CPM: variants seen among roughly 807,000 people sequenced by gnomAD.
CPM encodes carboxypeptidase M, also known as renal carboxypeptidase.
A neutral mutation model predicts 46.4 loss-of-function variants in CPM; 35 were observed. The ratio of observed to expected loss-of-function variants is 0.75; its 90% confidence interval spans 0.58 to 1.00. The LOEUF (loss-of-function observed/expected upper bound fraction) is 1.00, where lower values mean the gene tolerates loss of function less well. Among genes scored for constraint, CPM ranks in the 50% least tolerant of loss-of-function variants. CPM has a pLI of 0.00. For synonymous variants in CPM, 195 were observed against 195.3 expected (o/e 1.00, Z 0.01); for missense variants, 422 against 530.4 (o/e 0.80, Z 2.01).
intron 2 of CPM, among the ~76,000 whole-genome samples, chr12:68,927,605 T>C (rs1212560604): frequency 6.6e-6 from 1 of 152,132 alleles, no homozygotes; most frequent in Non-Finnish European, 1.5e-5. Flanking sequence ...TTTGTTGCCA[T>C]TGCTTTTGGT....
chr12:68,872,225 G>T (rs951086063), intron 3 of CPM, among the ~76,000 whole-genome samples: 3 of 143,818 alleles, frequency 2.1e-5, no homozygotes, highest in African/African-American at 8.3e-5. Context: ...AATTAGAGTG[G>T]AATAATGCTG....
chr12:68,950,023 G>A (rs866500711), intron 1 of CPM, among the ~76,000 whole-genome samples: 1 of 152,126 alleles, frequency 6.6e-6, no homozygotes, highest in South Asian at 2.1e-4. Flanking sequence ...CATCCTCTGA[G>A]GCCAGAGGAT....
chr12:68,926,632 T>C (rs141750971), intron 2 of CPM, among the ~76,000 whole-genome samples: 4,079 of 152,208 alleles, frequency 0.027, 111 homozygotes, highest in African/African-American at 0.061. Flanking sequence ...TACATATGTA[T>C]ACATGTGCCA....
intron 2 of CPM, among the ~76,000 whole-genome samples, chr12:68,892,895 T>A (rs1466030156): frequency 6.6e-6 from 1 of 151,794 alleles, no homozygotes; most frequent in African/African-American, 2.4e-5. Flanking sequence ...ACGTTCTCAC[T>A]CATAAGTGGG....
intron 2 of CPM, among the ~76,000 whole-genome samples, chr12:68,921,296 C>G (rs2453750): frequency 0.55 from 82,930 of 151,604 alleles, 22,996 homozygotes; most frequent in Non-Finnish European, 0.6. Flanking sequence ...CACCTGCCAC[C>G]ATGCCCGGCT....
chr12:68,940,273 C>T (rs1454595814), intron 1 of CPM, among the ~76,000 whole-genome samples: 1 of 151,972 alleles, frequency 6.6e-6, no homozygotes, highest in Non-Finnish European at 1.5e-5. Context: ...CGTGTCACAT[C>T]TGTTAAAATT....
At chr12:68,915,200 T>C (rs1887755624) in intron 2 of CPM, among the ~76,000 whole-genome samples, 1 of 152,214 alleles carries the variant, frequency 6.6e-6, no homozygotes, top group Non-Finnish European at 1.5e-5. Flanking sequence ...TGTATCACTG[T>C]TCTTTGAACA....
At chr12:68,923,213 G>T (rs1042558890) in intron 2 of CPM, among the ~76,000 whole-genome samples, 13 of 134,204 alleles carry the variant, frequency 9.7e-5, no homozygotes, top group African/African-American at 2.0e-4. Flanking sequence ...GTGTGTGTGT[G>T]TTTTGAGTAA....
chr12:68,850,730 A>G (rs893208851), downstream of CPM: 2 of 152,234 alleles, frequency 1.3e-5, no homozygotes, highest in Admixed American at 6.5e-5. Context: ...GTTTGGAAAT[A>G]TAGGTATGTT....
At chr12:68,955,285 C>A (rs1263814096) in intron 1 of CPM, among the ~76,000 whole-genome samples, 2 of 152,196 alleles carry the variant, frequency 1.3e-5, no homozygotes, top group Admixed American at 1.3e-4. Context: ...AATTTTAAAT[C>A]TTTACGAAGC....
chr12:68,854,987 G>T lies in CPM; in HGVS notation c.*1450C>A. ...TTCTCCTGCCTCAGCCTCCCCAGTA[G>T]CTGGGATTACAGGCATGCACCACCA... On this transcript the variant is annotated 3_prime_UTR_variant, in exon 9 of 9. Coordinates refer to ENST00000551568, the MANE Select transcript of CPM (RefSeq NM_198320.5). 6.6e-6 allele frequency: 1 copy of T among 152,184 alleles called. No homozygotes were observed. Among genetic ancestry groups the T allele is most frequent in the Non-Finnish European group, 1.5e-5 (1 of 68,300 alleles). The allele number at this position is 152,184 out of a possible 1,614,324, so 9.4% of individuals were successfully genotyped here. A position where few individuals can be genotyped will look rare whatever the true frequency, so the allele number is the denominator to read the frequency against.
At chr12:68,880,159 C>A (rs1216212822) in intron 3 of CPM, among the ~76,000 whole-genome samples, 1 of 151,782 alleles carries the variant, frequency 6.6e-6, no homozygotes, top group African/African-American at 2.4e-5. Flanking sequence ...TAGGAGCTTG[C>A]GTAAATTAAA....
intron 2 of CPM, among the ~76,000 whole-genome samples, chr12:68,914,302 T>C (rs1887719536): frequency 6.6e-6 from 1 of 150,460 alleles, no homozygotes; most frequent in Non-Finnish European, 1.5e-5. Context: ...CACAAAAGTC[T>C]GTATACTTAA....
In CPM at chr12:68,842,306, CCT is replaced by C. The variant is rs1404732297; in HGVS notation, c.555_556del (p.Arg186GlyfsTer4). 6.1e-6 allele frequency: 3 copies of C among 495,840 alleles called. No individual in the cohort carries two copies. The highest frequency in any genetic ancestry group is 2.3e-5 in the Admixed American group (1 of 43,574). The allele number at this position is 495,840 out of a possible 1,614,324, so 30.7% of individuals were successfully genotyped here. The stretch of plus-strand genomic sequence containing the variant: ...AAGTCAGGCAAAACTCATCTTGACC[CCT>C]GTTGCAGGCAAAGGAACGCAGCTGG... On this transcript the variant is annotated frameshift_variant, in exon 6 of 6. Coordinates refer to the CPM transcript ENST00000551897. LOFTEE classifies it high-confidence loss of function.
intron 2 of CPM, among the ~76,000 whole-genome samples, chr12:68,919,447 C>T (rs1460107542): frequency 6.6e-6 from 1 of 152,202 alleles, no homozygotes; most frequent in African/African-American, 2.4e-5. Context: ...CTGTCTCTAG[C>T]CTAACACAGT....
At chr12:68,956,368 AG>A (rs1889018420) in intron 1 of CPM, among the ~76,000 whole-genome samples, 1 of 152,194 alleles carries the variant, frequency 6.6e-6, no homozygotes, top group Non-Finnish European at 1.5e-5. Context: ...AGCTGCACCC[AG>A]GAGGGCAGGG....
At chr12:68,947,384 A>G (rs1045754535) in intron 1 of CPM, among the ~76,000 whole-genome samples, 2 of 152,132 alleles carry the variant, frequency 1.3e-5, no homozygotes, top group African/African-American at 4.8e-5. Context: ...ATCACCTGAA[A>G]TCAGGAGTTC....
intron 7 of CPM, among the ~76,000 whole-genome samples, chr12:68,863,193 CA>C (rs1885285022): frequency 6.6e-6 from 1 of 152,162 alleles, no homozygotes; most frequent in Admixed American, 6.6e-5. Context: ...TTCTGGAACT[CA>C]GCACATACCA....
intron 2 of CPM, among the ~76,000 whole-genome samples, chr12:68,907,707 C>G (rs763918127): frequency 1.3e-5 from 2 of 152,200 alleles, no homozygotes; most frequent in Non-Finnish European, 2.9e-5. Flanking sequence ...ACACAACATT[C>G]TTTTTCCAGA....
Sources: gnomAD v4.1 joint callset for allele counts (sites outside exome capture counted in the v4.1 genomes callset) on GRCh38, gnomAD v4.1.1 for gene constraint, MANE v1.5 for transcripts, NCBI Gene and HGNC (gene_info 2026-07-23, HGNC 2026-07-21) for gene names.